The following SLC43A2 variants were observed in gnomAD, a reference collection of about 807,000 sequenced individuals.
The protein encoded by SLC43A2 is solute carrier family 43 member 2.
In SLC43A2, 38 loss-of-function variants were observed where a neutral mutation model predicts 63.2. That is an observed-to-expected ratio of 0.60 (90% CI 0.46 to 0.79). The LOEUF is 0.79. Ranked by LOEUF, SLC43A2 falls within the 30% of genes least tolerant of loss-of-function variation. SLC43A2 has a pLI of 0.00. For synonymous variants in SLC43A2, 322 were observed against 331.0 expected, an observed-to-expected ratio of 0.97 and a Z score of 0.30; for missense variants, 644 against 756.2, an observed-to-expected ratio of 0.85 and a Z score of 1.74.
Position 1,583,278 on chromosome 17 carries a change from G to A in SLC43A2, c.1276C>T (p.Arg426Trp), listed in dbSNP as rs370279486. 60 of 1,614,046 alleles carry A rather than the reference G, an allele frequency of 3.7e-5. No individual in the cohort carries two copies. The highest frequency in any genetic ancestry group is 4.9e-5 in the Non-Finnish European group (58 of 1,180,026). ...RQIQKITNAMRAFAFTNLLLV... is the reference protein window; with the variant it reads ...RQIQKITNAMWAFAFTNLLLV... The stretch of plus-strand genomic sequence containing the variant: ...AGCAGGTTGGTGAAGGCGAAGGCCC[G>A]CATGGCATTAGTGATCTTCTGGATC... The change falls in exon 11 of 14, where the codon CGG becomes TGG. Residue 426 changes from arginine (R) to tryptophan (W), a missense_variant. Coordinates refer to ENST00000301335, the MANE Select transcript of SLC43A2 (RefSeq NM_152346.3). The surrounding 1 kb of genome is among the most constrained non-coding windows in gnomAD (Gnocchi z 5.5).
Position 1,576,169 on chromosome 17 carries a change from C to T in SLC43A2, c.1549-404G>A, listed in dbSNP as rs937632309. Among the ~76,000 whole-genome samples the T allele has an allele frequency of 4.6e-5, 7 of 151,176 alleles. No individual in the cohort carries two copies. The South Asian group carries it at 8.3e-4, about 18-fold the overall frequency. On this transcript the variant is annotated intron_variant, in intron 13 of 13. Transcript: ENST00000301335. ...CGCAATCTCAGCTCACTGCAATCTCCGCCTCCCGGGTTCAAGTGATTCTCC... is the reference window on the plus strand; with the variant it reads ...CGCAATCTCAGCTCACTGCAATCTCTGCCTCCCGGGTTCAAGTGATTCTCC...
intron 2 of SLC43A2, among the ~76,000 whole-genome samples, chr17:1,620,884 G>T (rs1044996974): frequency 1.3e-5 from 2 of 152,068 alleles, no homozygotes; most frequent in African/African-American, 4.8e-5. Flanking sequence ...GGCGTGGGGT[G>T]GCCCTCTGCT....
chr17:1,582,302 A>G (rs940312593), intron 11 of SLC43A2, among the ~76,000 whole-genome samples: 1 of 152,066 alleles, frequency 6.6e-6, no homozygotes, highest in African/African-American at 2.4e-5. Flanking sequence ...CTGGTCTCAA[A>G]CTCCTGAGCT....
intron 2 of SLC43A2, among the ~76,000 whole-genome samples, chr17:1,620,346 C>A (rs2151079395): frequency 6.6e-6 from 1 of 152,252 alleles, no homozygotes. Flanking sequence ...CCAGCCTGGG[C>A]CACAGAGTGA....
At chr17:1,627,269 T>C (rs964419841) in intron 2 of SLC43A2, among the ~76,000 whole-genome samples, 1 of 152,116 alleles carries the variant, frequency 6.6e-6, no homozygotes, top group Non-Finnish European at 1.5e-5. Context: ...AGATGAGCCC[T>C]CCCTGGGGTG....
intron 5 of SLC43A2, among the ~76,000 whole-genome samples, chr17:1,600,152 A>ATATATATATATATATATATAT (rs1216616243): frequency 3.3e-5 from 2 of 60,280 alleles, no homozygotes; most frequent in African/African-American, 1.1e-4. Flanking sequence ...ATATATATAT[A>ATATATATATATATATATATAT]TTTTTTTTTT....
chr17:1,620,676 G>T (rs1310008555), intron 2 of SLC43A2, among the ~76,000 whole-genome samples: 1 of 151,938 alleles, frequency 6.6e-6, no homozygotes, highest in Non-Finnish European at 1.5e-5. Flanking sequence ...TGCTTGTGGA[G>T]CAATTTGAGA....
chr17:1,593,079 G>A lies in SLC43A2; in HGVS notation c.594+108C>T. 1 of 1,037,122 alleles carries A rather than the reference G, an allele frequency of 9.6e-7. No individual in the cohort carries two copies. Among genetic ancestry groups the A allele is most frequent in the Non-Finnish European group, 1.5e-6 (1 of 686,314 alleles). 64.2% of individuals were successfully genotyped at this position (1,037,122 alleles called of 1,614,324 possible). ...TGCATCCTGCCCGGGTGGGGGTGGT[G>A]GAGAGGGGCCACCCCGGGTGCCCAC... On this transcript the variant is annotated intron_variant, in intron 6 of 13. Transcript: ENST00000301335. The surrounding 1 kb of genome is among the most constrained non-coding windows in gnomAD (Gnocchi z 5.3).
intron 2 of SLC43A2, among the ~76,000 whole-genome samples, chr17:1,618,142 C>T (rs572061414): frequency 3.3e-5 from 5 of 152,330 alleles, no homozygotes; most frequent in East Asian, 3.9e-4. Context: ...GGAAAGGATG[C>T]GCACAGGTGG....
chr17:1,588,690 C>A (rs1421184390), intron 9 of SLC43A2, among the ~76,000 whole-genome samples: 4 of 106,618 alleles, frequency 3.8e-5, no homozygotes, highest in South Asian at 3.9e-4. Context: ...AGAGCAAGAC[C>A]CCAACTCAAA....
chr17:1,584,172 T>C (rs375141866), intron 10 of SLC43A2, among the ~76,000 whole-genome samples: 100 of 152,060 alleles, frequency 6.6e-4, no homozygotes, highest in African/African-American at 1.1e-3. Flanking sequence ...GGATTACAGG[T>C]GTGAGCCACC....
intron 2 of SLC43A2, among the ~76,000 whole-genome samples, chr17:1,618,566 G>A (rs754529446): frequency 5.9e-5 from 9 of 152,228 alleles, no homozygotes; most frequent in Admixed American, 2.6e-4. Context: ...GTGTGGAAGC[G>A]CAAAGACATG....
At chr17:1,622,100 G>T (rs9896599) in intron 2 of SLC43A2, among the ~76,000 whole-genome samples, 1 of 152,160 alleles carries the variant, frequency 6.6e-6, no homozygotes, top group Non-Finnish European at 1.5e-5. Flanking sequence ...AGGCTGGGGC[G>T]GTGGGAAGAG....
chr17:1,585,872 G>C (rs774209356), intron 10 of SLC43A2, 41 bp downstream of exon 10: 4 of 1,612,444 alleles, frequency 2.5e-6, no homozygotes, highest in African/African-American at 2.7e-5. Flanking sequence ...TTCTGCAGGG[G>C]CTGCGGGCTG....
At chr17:1,595,548 C>T (rs139289294) in intron 5 of SLC43A2, among the ~76,000 whole-genome samples, 1,521 of 152,100 alleles carry the variant, frequency 0.01, 40 homozygotes, top group African/African-American at 0.035. Context: ...CAAGTTCAAG[C>T]GAGTCTCCTG....
In SLC43A2 at chr17:1,590,698, A is replaced by G. The variant is rs1904670941; in HGVS notation, c.1078+104T>C. The G allele has an allele frequency of 2.8e-6, 4 of 1,441,746 alleles. No homozygotes were observed. The East Asian group carries it at 9.9e-5, about 36-fold the overall frequency. 89.3% of individuals were successfully genotyped at this position (1,441,746 alleles called of 1,614,324 possible). A position where few individuals can be genotyped will look rare whatever the true frequency, so the allele number is the denominator to read the frequency against. Reference sequence around the variant, plus strand: ...ACAGCTCCTGGGATGCGGCCTTTCCATGGCCCGGCTGGCCCGGCTCAGCTT... The same window carrying G: ...ACAGCTCCTGGGATGCGGCCTTTCCGTGGCCCGGCTGGCCCGGCTCAGCTT... On this transcript the variant is annotated intron_variant, in intron 9 of 13. Transcript: ENST00000301335.
chr17:1,624,637 G>A (rs2151083804), intron 2 of SLC43A2, among the ~76,000 whole-genome samples: 1 of 150,084 alleles, frequency 6.7e-6, no homozygotes, highest in Non-Finnish European at 1.5e-5. Flanking sequence ...ATGCTTGCAG[G>A]CCCAGCACTT....
chr17:1,576,836 T>A, intron 12 of SLC43A2, 116 bp from the exon 13 acceptor site: 1 of 1,255,870 alleles, frequency 8.0e-7, no homozygotes, highest in Non-Finnish European at 1.1e-6. Flanking sequence ...GTGCCAGCCC[T>A]CGGATTCCTT....
intron 9 of SLC43A2, among the ~76,000 whole-genome samples, chr17:1,587,253 A>G (rs1174072930): frequency 1.3e-5 from 2 of 152,196 alleles, no homozygotes; most frequent in African/African-American, 4.8e-5. Context: ...CTGGTGAATC[A>G]GGCCTGTGAC....
Sources: gnomAD v4.1 joint callset for allele counts (sites outside exome capture counted in the v4.1 genomes callset) on GRCh38, gnomAD v4.1.1 for gene constraint, Gnocchi (gnomAD v3.1) non-coding constraint, MANE v1.5 for transcripts, NCBI Gene and HGNC (gene_info 2026-07-23, HGNC 2026-07-21) for gene names.